Variants in RAD54L2 observed in about 807,000 individuals in gnomAD.
RAD54L2 encodes helicase ARIP4.
A neutral mutation model predicts 138.4 loss-of-function variants in RAD54L2; 27 were observed. The ratio of observed to expected loss-of-function variants is 0.20; its 90% CI spans 0.14 to 0.27. RAD54L2 has a LOEUF of 0.27. Ranked by LOEUF, RAD54L2 falls within the 10% of genes least tolerant of loss-of-function variation. The probability of loss-of-function intolerance (pLI) is 1.00; values close to 1 mark genes in which losing one functional copy is unlikely to be tolerated. For synonymous variants in RAD54L2, 644 were observed against 723.2 expected (o/e 0.89, Z 1.76); for missense variants, 1,396 against 1,890.2 (o/e 0.74, Z 4.85).
intron 3 of RAD54L2, among the ~76,000 whole-genome samples, chr3:51,605,047 C>T (rs529405041): frequency 1.1e-4 from 16 of 151,212 alleles, no homozygotes; most frequent in South Asian, 6.3e-4. Context: ...CTCAGCCTCC[C>T]GAGAAGCTGG....
chr3:51,646,507 G>C (rs1232845856), intron 19 of RAD54L2, 26 bp downstream of exon 19: 13 of 1,569,790 alleles, frequency 8.3e-6, no homozygotes, highest in Non-Finnish European at 8.7e-6. Flanking sequence ...GGGAGGGTCT[G>C]CTGCTGGGCC....
intron 3 of RAD54L2, among the ~76,000 whole-genome samples, chr3:51,608,315 C>T (rs895825916): frequency 6.6e-6 from 1 of 151,284 alleles, no homozygotes; most frequent in Non-Finnish European, 1.5e-5. Context: ...GGATGACGGC[C>T]GGGAAGAGGC....
At chr3:51,631,990 C>T (rs937439883) in intron 7 of RAD54L2, among the ~76,000 whole-genome samples, 3 of 152,126 alleles carry the variant, frequency 2.0e-5, no homozygotes, top group Non-Finnish European at 2.9e-5. Context: ...CCTCCTCTCC[C>T]TTCTCAGCCT....
At chr3:51,630,157 C>T in intron 5 of RAD54L2, 115 bp from the exon 6 acceptor site, 1 of 743,302 alleles carries the variant, frequency 1.3e-6, no homozygotes, top group Non-Finnish European at 2.3e-6. Flanking sequence ...CTTCTCTTCT[C>T]AGTGGATACT....
At chr3:51,628,120 C>G (rs767072034) in intron 4 of RAD54L2, among the ~76,000 whole-genome samples, 1 of 152,130 alleles carries the variant, frequency 6.6e-6, no homozygotes, top group Non-Finnish European at 1.5e-5. Context: ...TTCTCATCTT[C>G]TTAGACGTCA....
chr3:51,606,249 G>A (rs1031241348), intron 3 of RAD54L2, among the ~76,000 whole-genome samples: 2 of 152,176 alleles, frequency 1.3e-5, no homozygotes, highest in Admixed American at 1.3e-4. Context: ...AGACTCACAT[G>A]GTCAAATTCA....
intron 10 of RAD54L2, among the ~76,000 whole-genome samples, chr3:51,636,927 T>C (rs2106809340): frequency 6.6e-6 from 1 of 151,966 alleles, no homozygotes; most frequent in Non-Finnish European, 1.5e-5. Context: ...TGTGAGACTC[T>C]GTCTCAAAAA....
chr3:51,613,292 A>C (rs1381326329), intron 3 of RAD54L2, among the ~76,000 whole-genome samples: 1 of 152,152 alleles, frequency 6.6e-6, no homozygotes, highest in African/African-American at 2.4e-5. Context: ...AGAATCCTTC[A>C]AGTTATCAAA....
chr3:51,549,409 G>A (rs782739113), intron 2 of RAD54L2, among the ~76,000 whole-genome samples: 8 of 152,098 alleles, frequency 5.3e-5, no homozygotes, highest in South Asian at 2.1e-4. Context: ...GACATAGTTC[G>A]GCAATTGAGG....
Position 51,645,548 on chromosome 3 carries a change from T to G in RAD54L2, c.2657-43T>G, listed in dbSNP as rs1163299760. 1.9e-6 allele frequency: 3 copies of G among 1,540,230 alleles called. No individual in the cohort carries two copies. The highest frequency in any genetic ancestry group is 1.8e-6 in the Non-Finnish European group (2 of 1,138,436). The stretch of plus-strand genomic sequence containing the variant: ...TCATTATTAGTGACCTTTACAGTTT[T>G]TAATGCCATGTGCTGACTTTCTTCA... On this transcript the variant is annotated intron_variant, in intron 17 of 22. Coordinates refer to ENST00000684192, the MANE Select transcript of RAD54L2 (RefSeq NM_015106.4). The surrounding 1 kb of genome is among the most constrained non-coding windows in gnomAD (Gnocchi z 6.1).
At chr3:51,555,192 A>G (rs192211703) in intron 2 of RAD54L2, among the ~76,000 whole-genome samples, 33 of 152,278 alleles carry the variant, frequency 2.2e-4, no homozygotes, top group Middle Eastern at 3.4e-3. Flanking sequence ...ACCAATTGCC[A>G]ATCAGAAAAT....
chr3:51,619,288 A>G (rs1700517201), intron 3 of RAD54L2, among the ~76,000 whole-genome samples: 1 of 151,830 alleles, frequency 6.6e-6, no homozygotes, highest in African/African-American at 2.4e-5. Flanking sequence ...CGAACTCCTG[A>G]CCTCGTGATC....
intron 2 of RAD54L2, among the ~76,000 whole-genome samples, chr3:51,561,604 C>T (rs1238303185): frequency 6.6e-6 from 1 of 151,842 alleles, no homozygotes; most frequent in Non-Finnish European, 1.5e-5. Context: ...CTCTTTTGCC[C>T]ACCCTGGAGT....
chr3:51,579,089 G>A (rs1205511867), intron 2 of RAD54L2, among the ~76,000 whole-genome samples: 5 of 151,496 alleles, frequency 3.3e-5, no homozygotes, highest in African/African-American at 1.2e-4. Flanking sequence ...AAGTCAAGCC[G>A]CTTTTCTGTG....
chr3:51,624,265 C>T (rs1340292494), intron 3 of RAD54L2, among the ~76,000 whole-genome samples: 3 of 136,474 alleles, frequency 2.2e-5, no homozygotes, highest in Middle Eastern at 7.9e-3. Flanking sequence ...CAGGGTCTTG[C>T]TCTGTTGCCC....
chr3:51,650,627 A>C (rs193230477), intron 19 of RAD54L2, among the ~76,000 whole-genome samples: 30 of 152,286 alleles, frequency 2.0e-4, no homozygotes, highest in Middle Eastern at 3.4e-3. Context: ...TCAGGATTAA[A>C]AAACTCACTC....
chr3:51,539,497 C>T (rs1396278724), intron 1 of RAD54L2, among the ~76,000 whole-genome samples: 1 of 152,098 alleles, frequency 6.6e-6, no homozygotes, highest in Non-Finnish European at 1.5e-5. Context: ...CTGGATCCTC[C>T]GGGGCCCTGA....
chr3:51,649,188 A>G (rs1410626335), intron 19 of RAD54L2, among the ~76,000 whole-genome samples: 2 of 152,024 alleles, frequency 1.3e-5, no homozygotes, highest in East Asian at 3.9e-4. Flanking sequence ...TCAATCAAGC[A>G]GAAGAAAGTG....
chr3:51,655,207 GTT>G (rs35305142), intron 19 of RAD54L2, among the ~76,000 whole-genome samples: 1 of 148,606 alleles, frequency 6.7e-6, no homozygotes, highest in Non-Finnish European at 1.5e-5. Context: ...AGTCTTAAGG[GTT>G]TTTTTTTTTC....
Sources: gnomAD v4.1 joint callset for allele counts (sites outside exome capture counted in the v4.1 genomes callset) on GRCh38, gnomAD v4.1.1 for gene constraint, Gnocchi (gnomAD v3.1) non-coding constraint, MANE v1.5 for transcripts, NCBI Gene and HGNC (gene_info 2026-07-23, HGNC 2026-07-21) for gene names.